The following TXLNG variants were observed in gnomAD, a reference collection of about 807,000 sequenced individuals.
TXLNG encodes gamma-taxilin.
A neutral mutation model predicts 38.8 loss-of-function variants in TXLNG; 5 were observed. The ratio of observed to expected loss-of-function variants is 0.13; its 90% CI spans 0.07 to 0.27. TXLNG has a LOEUF of 0.27. TXLNG is among the 10% of genes least tolerant of loss of function. The probability of loss-of-function intolerance (pLI) is 1.00; values close to 1 mark genes in which losing one functional copy is unlikely to be tolerated. For synonymous variants in TXLNG, 182 were observed against 158.2 expected, an observed-to-expected ratio of 1.15 and a Z score of -1.13; for missense variants, 393 against 398.2, an observed-to-expected ratio of 0.99 and a Z score of 0.11.
chrX:16,840,590 C>T (rs1036174804), intron 9 of TXLNG: 30 of 245,026 alleles, frequency 1.2e-4, no homozygotes, highest in East Asian at 2.4e-4. Context: ...TGGCCAACAT[C>T]GTGAAACCCC....
At chrX:16,811,873 C>A (rs977833615) in intron 1 of TXLNG, among the ~76,000 whole-genome samples, 2 of 109,651 alleles carry the variant, frequency 1.8e-5, no homozygotes, top group African/African-American at 6.6e-5. Context: ...ATCTCTTGAC[C>A]TCGTCATCTG....
intron 1 of TXLNG, 75 bp from the exon 2 acceptor site, chrX:16,818,499 T>G: frequency 9.2e-7 from 1 of 1,089,128 alleles, no homozygotes; most frequent in Non-Finnish European, 1.2e-6. Flanking sequence ...GCTATGATGT[T>G]CCATTGCTTG....
intron 2 of TXLNG, among the ~76,000 whole-genome samples, chrX:16,819,778 T>C (rs1318371811): frequency 2.7e-5 from 3 of 112,440 alleles, no homozygotes; most frequent in Non-Finnish European, 5.6e-5. Flanking sequence ...TGAAACTCCC[T>C]TTGAACTTGC....
At chrX:16,839,437 T>C (rs1379864140) in intron 8 of TXLNG, 1 of 115,313 alleles carries the variant, frequency 8.7e-6, no homozygotes, top group African/African-American at 3.2e-5. Context: ...TGGGCATTTT[T>C]TCATACAACT....
At chrX:16,820,030 A>G (rs1398263784) in intron 2 of TXLNG, 134 bp from the exon 3 acceptor site, 2 of 494,820 alleles carry the variant, frequency 4.0e-6, no homozygotes, top group Admixed American at 3.8e-5. Context: ...TTGAGCTGGT[A>G]AATCTCTTAT....
intron 1 of TXLNG, among the ~76,000 whole-genome samples, chrX:16,817,565 C>T (rs947908894): frequency 3.6e-5 from 4 of 111,802 alleles, no homozygotes; most frequent in Non-Finnish European, 7.5e-5. Context: ...CACCTCCTCA[C>T]CTCAACAGTA....
intron 5 of TXLNG, among the ~76,000 whole-genome samples, chrX:16,831,155 C>T (rs1256490984): frequency 1.8e-5 from 2 of 111,748 alleles, no homozygotes; most frequent in African/African-American, 6.5e-5. Context: ...ACAAATAGGC[C>T]AGGTGCAATG....
chrX:16,839,765 A>G (rs1356673699), intron 8 of TXLNG, 56 bp from the exon 9 acceptor site: 2 of 883,848 alleles, frequency 2.3e-6, no homozygotes, highest in Non-Finnish European at 3.2e-6. Context: ...GTACTGGGAC[A>G]GGGAGTAGAG....
chrX:16,812,964 C>G (rs1928588867), intron 1 of TXLNG, among the ~76,000 whole-genome samples: 2 of 109,680 alleles, frequency 1.8e-5, no homozygotes, highest in Non-Finnish European at 3.8e-5. Context: ...ACCTCCCAAA[C>G]TGCTGGGATT....
chrX:16,818,612 G>T lies in TXLNG; in HGVS notation c.141G>T (p.Gly47=). ...IGTMEEAGIC[G]LGVKADMLCN... ...CAATGGAAGAAGCTGGAATTTGTGG[G>T]CTAGGGGTGAAAGCAGATATGTTGT... The change falls in exon 2 of 10, where the codon GGG becomes GGT. Residue 47 remains glycine, a synonymous_variant. Coordinates refer to ENST00000380122, the MANE Select transcript of TXLNG (RefSeq NM_018360.3). 8.3e-7 allele frequency: 1 copy of T among 1,210,865 alleles called. No homozygotes were observed. Among genetic ancestry groups the T allele is most frequent in the Non-Finnish European group, 1.1e-6 (1 of 894,914 alleles).
chrX:16,839,628 G>GAGC (rs1929719645), intron 8 of TXLNG, among the ~76,000 whole-genome samples, 193 bp from the exon 9 acceptor site: 1 of 110,906 alleles, frequency 9.0e-6, no homozygotes, highest in Non-Finnish European at 1.9e-5. Context: ...TCCACCCTAG[G>GAGC]AGCTTCTGAG....
rs1289995624 is a variant in TXLNG at position 16,826,917 on chromosome X, G to A, written c.499-1177G>A. On this transcript the variant is annotated intron_variant, in intron 3 of 9. Transcript: ENST00000380122. The stretch of plus-strand genomic sequence containing the variant: ...TTGCACTCCAGCCTGGGCAACTAGA[G>A]TGAAACTCCATCTCAAAAAAGCAAA... Among the ~76,000 whole-genome samples, 4 of 106,714 alleles carry A rather than the reference G, an allele frequency of 3.7e-5. No homozygotes were observed. The East Asian group carries it at 1.2e-3, about 33-fold the overall frequency. 92.7% of individuals were successfully genotyped at this position (106,714 alleles called of 115,157 possible).
intron 1 of TXLNG, among the ~76,000 whole-genome samples, chrX:16,801,518 C>T (rs1304011965): frequency 1.8e-5 from 2 of 111,654 alleles, no homozygotes; most frequent in Non-Finnish European, 3.8e-5. Context: ...ATGAGAATGG[C>T]CTAACACACC....
intron 7 of TXLNG, among the ~76,000 whole-genome samples, chrX:16,836,941 T>C (rs1229999381): frequency 9.0e-6 from 1 of 111,241 alleles, no homozygotes; most frequent in Non-Finnish European, 1.9e-5. Context: ...CCCCTAAGTA[T>C]CCTGAGCCTC....
intron 1 of TXLNG, among the ~76,000 whole-genome samples, chrX:16,817,405 A>G (rs1338240598): frequency 8.9e-6 from 1 of 112,257 alleles, no homozygotes; most frequent in Non-Finnish European, 1.9e-5. Context: ...ATAAGATTTT[A>G]TTTTCCTTAA....
chrX:16,826,215 A>C (rs1038225375), intron 3 of TXLNG, among the ~76,000 whole-genome samples: 2 of 111,881 alleles, frequency 1.8e-5, no homozygotes, highest in African/African-American at 6.5e-5. Flanking sequence ...GCAGCCTCTT[A>C]AACTGGGCAG....
chrX:16,809,919 G>A lies in TXLNG; in HGVS notation c.103-8655G>A, dbSNP rs116423651. ...TTAAATAGGCTTCTCTAAGATGGCT[G>A]GGCCAGGAGAAGGATGTTTGAACAG... On this transcript the variant is annotated intron_variant, in intron 1 of 9. Coordinates refer to ENST00000380122, the MANE Select transcript of TXLNG (RefSeq NM_018360.3). 9.8e-3 allele frequency among the ~76,000 whole-genome samples: 1,093 copies of A among 111,931 alleles called. 13 individuals are homozygous for A. The highest frequency in any genetic ancestry group is 0.034 in the African/African-American group (1,057 of 30,830).
At position 16,837,713 on chromosome X, in the gene TXLNG, A is replaced by G. The variant is rs745376776; in HGVS notation, c.1152+28A>G. On this transcript the variant is annotated intron_variant, in intron 8 of 9. Coordinates refer to ENST00000380122, the MANE Select transcript of TXLNG (RefSeq NM_018360.3). ...ATTTACATATTTTTAGTAGAATAGTATATCAAATGGAATTTGTATAAGCTC... is the reference window on the plus strand; with the variant it reads ...ATTTACATATTTTTAGTAGAATAGTGTATCAAATGGAATTTGTATAAGCTC... 7.5e-6 allele frequency: 8 copies of G among 1,072,691 alleles called. No individual in the cohort carries two copies. In the South Asian group the frequency reaches 8.4e-5, roughly 11 times the overall value. The allele number at this position is 1,072,691 out of a possible 1,213,427, so 88.4% of individuals were successfully genotyped here. A position where few individuals can be genotyped will look rare whatever the true frequency, so the allele number is the denominator to read the frequency against.
At position 16,832,623 on chromosome X, in the gene TXLNG, C is replaced by G; in HGVS notation, c.865C>G (p.His289Asp). The G allele has an allele frequency of 8.3e-7, 1 of 1,211,066 alleles. No homozygotes were observed. The highest frequency in any genetic ancestry group is 1.8e-5 in the South Asian group (1 of 56,915). Reference protein sequence around the residue: ...LIEQYALREEHIDKVFKHKEL... With the variant: ...LIEQYALREEDIDKVFKHKEL... Reference sequence around the variant, plus strand: ...GGAAGAAACTCTCCTTTTCCCATAGCACATTGATAAGGTGTTCAAACATAA... The same window carrying G: ...GGAAGAAACTCTCCTTTTCCCATAGGACATTGATAAGGTGTTCAAACATAA... The change falls in exon 6 of 10, where the codon CAC becomes GAC. Residue 289 changes from histidine to aspartate, a missense_variant and splice_region_variant. Coordinates refer to ENST00000380122, the MANE Select transcript of TXLNG (RefSeq NM_018360.3).
Sources: allele counts gnomAD v4.1 joint callset (sites outside exome capture counted in the v4.1 genomes callset), GRCh38; gene constraint gnomAD v4.1.1; transcripts MANE v1.5; gene names NCBI Gene and HGNC (gene_info 2026-07-23, HGNC 2026-07-21).